KCNQ5: variants seen among roughly 807,000 people sequenced by gnomAD.
The protein encoded by KCNQ5 is potassium voltage-gated channel subfamily Q member 5.
KCNQ5 carries 30 observed loss-of-function variants against 98.2 expected under a neutral mutation model. The ratio of observed to expected loss-of-function variants is 0.31; its 90% confidence interval spans 0.23 to 0.41. The LOEUF is 0.41. Ranked by LOEUF, KCNQ5 falls within the 10% of genes least tolerant of loss-of-function variation. The pLI is 1.00. For synonymous variants in KCNQ5, 458 were observed against 449.4 expected (o/e 1.02, Z -0.24); for missense variants, 835 against 1,182.5 (o/e 0.71, Z 4.31).
intron 1 of KCNQ5, among the ~76,000 whole-genome samples, chr6:72,901,754 ATAGTATAGT>A (rs1779514828): frequency 6.6e-6 from 1 of 152,006 alleles, no homozygotes; most frequent in Non-Finnish European, 1.5e-5. Context: ...CTATGGCCTT[ATAGTATAGT>A]TTGAAATCAG....
chr6:73,150,159 T>A (rs1452746137), intron 10 of KCNQ5, among the ~76,000 whole-genome samples: 1 of 151,986 alleles, frequency 6.6e-6, no homozygotes, highest in African/African-American at 2.4e-5. Context: ...CTACAGGAGA[T>A]ATCACTACAC....
intron 1 of KCNQ5, among the ~76,000 whole-genome samples, chr6:72,905,582 T>A (rs927691216): frequency 6.6e-6 from 1 of 152,176 alleles, no homozygotes; most frequent in Non-Finnish European, 1.5e-5. Context: ...CTTGATGTAG[T>A]ACTCTCCCCC....
Position 73,194,740 on chromosome 6 carries a change from A to C in KCNQ5, c.2125A>C (p.Met709Leu). The C allele has an allele frequency of 4.3e-6, 7 of 1,614,244 alleles. No individual in the cohort carries two copies. Among genetic ancestry groups the C allele is most frequent in the Non-Finnish European group, 3.4e-6 (4 of 1,180,042 alleles). The change falls in exon 14 of 14, where the codon ATG (methionine) becomes CTG (leucine). Residue 709 changes from methionine (M) to leucine (L), a missense_variant. Around this residue, in one of 10 missense-constraint regions of KCNQ5, gnomAD observed 416 missense variants for 446.9 expected, o/e 0.93. Coordinates refer to ENST00000370398, the MANE Select transcript of KCNQ5 (RefSeq NM_019842.4). ...AQTFYALSPT[M>L]HSQATQVPIS... Reference sequence around the variant, plus strand: ...GACTTTCTACGCGCTTAGCCCTACTATGCACAGTCAAGCAACACAGGTGCC... The same window carrying C: ...GACTTTCTACGCGCTTAGCCCTACTCTGCACAGTCAAGCAACACAGGTGCC...
chr6:73,031,880 C>A (rs1771166363), intron 2 of KCNQ5, among the ~76,000 whole-genome samples: 1 of 152,144 alleles, frequency 6.6e-6, no homozygotes, highest in African/African-American at 2.4e-5. Flanking sequence ...ATCAAGGGAC[C>A]TCCCAGTATA....
chr6:72,807,911 G>C (rs1471724500), intron 1 of KCNQ5, among the ~76,000 whole-genome samples: 1 of 152,190 alleles, frequency 6.6e-6, no homozygotes, highest in Non-Finnish European at 1.5e-5. Context: ...CAGAGCAAAA[G>C]TACATGGTTT....
At chr6:72,931,946 C>G (rs571683820) in intron 1 of KCNQ5, among the ~76,000 whole-genome samples, 1 of 152,250 alleles carries the variant, frequency 6.6e-6, no homozygotes, top group South Asian at 2.1e-4. Flanking sequence ...TAAGCTCTCC[C>G]TCACTTGACT....
In KCNQ5 at chr6:72,800,514, C is replaced by T. The variant is rs570304149; in HGVS notation, c.398+177927C>T. Among the ~76,000 whole-genome samples the T allele has an allele frequency of 1.2e-4, 18 of 152,242 alleles. No homozygotes were observed. The South Asian group carries it at 3.3e-3, about 28-fold the overall frequency. ...TATTGCATCTATTTGATTCTTCTCTCTTTTCTTCTTTATTAGTCTTGCTAG... is the reference window on the plus strand; with the variant it reads ...TATTGCATCTATTTGATTCTTCTCTTTTTTCTTCTTTATTAGTCTTGCTAG... On this transcript the variant is annotated intron_variant, in intron 1 of 13. Coordinates refer to ENST00000370398, the MANE Select transcript of KCNQ5 (RefSeq NM_019842.4).
intron 5 of KCNQ5, among the ~76,000 whole-genome samples, chr6:73,091,126 G>A (rs1476909784): frequency 6.6e-6 from 1 of 152,128 alleles, no homozygotes; most frequent in African/African-American, 2.4e-5. Context: ...TATACACCAA[G>A]GAATACTATA....
chr6:72,890,612 T>G (rs892097372), intron 1 of KCNQ5, among the ~76,000 whole-genome samples: 1 of 152,152 alleles, frequency 6.6e-6, no homozygotes, highest in Non-Finnish European at 1.5e-5. Flanking sequence ...TGAGAATGGA[T>G]GGAATAGTAG....
intron 5 of KCNQ5, among the ~76,000 whole-genome samples, chr6:73,079,557 A>G (rs1773681585): frequency 6.6e-6 from 1 of 152,226 alleles, no homozygotes; most frequent in Non-Finnish European, 1.5e-5. Context: ...CATAGCAGCA[A>G]TAAAATGAAT....
At chr6:73,022,855 T>C (rs1323405559) in intron 2 of KCNQ5, among the ~76,000 whole-genome samples, 1 of 152,092 alleles carries the variant, frequency 6.6e-6, no homozygotes, top group African/African-American at 2.4e-5. Context: ...CTAGATTTTA[T>C]GGGGGTCAGG....
chr6:73,081,956 T>A (rs756525174), intron 5 of KCNQ5, among the ~76,000 whole-genome samples: 2 of 152,238 alleles, frequency 1.3e-5, no homozygotes, highest in Non-Finnish European at 2.9e-5. Flanking sequence ...TTTCCTAACA[T>A]AATTACAACT....
intron 1 of KCNQ5, among the ~76,000 whole-genome samples, chr6:72,926,254 T>C (rs575557457): frequency 6.6e-6 from 1 of 152,248 alleles, no homozygotes; most frequent in Non-Finnish European, 1.5e-5. Flanking sequence ...CAAAACTGAC[T>C]TTAAAAGGTT....
chr6:73,110,192 C>A (rs4235873), intron 6 of KCNQ5, among the ~76,000 whole-genome samples: 5 of 151,980 alleles, frequency 3.3e-5, no homozygotes, highest in Non-Finnish European at 7.4e-5. Flanking sequence ...CATCTCTAAC[C>A]AAAGGGTTAG....
intron 1 of KCNQ5, among the ~76,000 whole-genome samples, chr6:72,668,782 G>A (rs1766951900): frequency 7.0e-6 from 1 of 142,370 alleles, no homozygotes; most frequent in African/African-American, 2.5e-5. Context: ...CAAGAAGGCA[G>A]CCACCTACAA....
intron 1 of KCNQ5, among the ~76,000 whole-genome samples, chr6:72,654,904 T>C (rs538870988): frequency 3.9e-5 from 6 of 152,248 alleles, no homozygotes; most frequent in African/African-American, 1.2e-4. Context: ...TTAAGTATGC[T>C]TGAACATTTT....
intron 1 of KCNQ5, among the ~76,000 whole-genome samples, chr6:72,648,674 G>A (rs1038397154): frequency 4.0e-5 from 6 of 151,294 alleles, no homozygotes; most frequent in African/African-American, 1.5e-4. Flanking sequence ...ATATTAAGGA[G>A]GCATATGCAG....
Position 72,870,399 on chromosome 6 carries a change from T to C in KCNQ5, c.399-133509T>C, listed in dbSNP as rs148911436. Reference sequence around the variant, plus strand: ...CAGATGATCTTCCCACCTCAGCCTCTTGAGTAGCTGAGGCTAATTTTTGTA... The same window carrying C: ...CAGATGATCTTCCCACCTCAGCCTCCTGAGTAGCTGAGGCTAATTTTTGTA... On this transcript the variant is annotated intron_variant, in intron 1 of 13. Coordinates refer to ENST00000370398, the MANE Select transcript of KCNQ5 (RefSeq NM_019842.4). 3.3e-3 allele frequency among the ~76,000 whole-genome samples: 507 copies of C among 152,174 alleles called. 6 individuals carry two copies. The highest frequency in any genetic ancestry group is 0.031 in the Admixed American group (477 of 15,282).
rs1164116642 is a variant in KCNQ5 at position 73,198,391 on chromosome 6, T to C, written c.*2977T>C. 3 of 152,246 alleles carry C rather than the reference T, an allele frequency of 2.0e-5. No individual in the cohort carries two copies. The highest frequency in any genetic ancestry group is 6.5e-5 in the Admixed American group (1 of 15,284). The allele number at this position is 152,246 out of a possible 1,614,324, so 9.4% of individuals were successfully genotyped here. On this transcript the variant is annotated 3_prime_UTR_variant, in exon 14 of 14. Coordinates refer to ENST00000370398, the MANE Select transcript of KCNQ5 (RefSeq NM_019842.4). ...AGTCCTGATCTGTTCTAAGGTGCCT[T>C]TCTCACCTCCCATTGATTCAGTGAT...
Sources: allele counts gnomAD v4.1 joint callset (sites outside exome capture counted in the v4.1 genomes callset), GRCh38; gene constraint gnomAD v4.1.1; regional missense constraint gnomAD v4.1.1; transcripts MANE v1.5; gene names NCBI Gene and HGNC (gene_info 2026-07-23, HGNC 2026-07-21).